The following DLGAP1 variants were observed in gnomAD, a reference collection of about 807,000 sequenced individuals.
The protein encoded by DLGAP1 is DLG associated protein 1.
DLGAP1 carries 11 observed loss-of-function variants against 90.8 expected under a neutral mutation model. That is an observed-to-expected ratio of 0.12 (90% confidence interval 0.08 to 0.20). The LOEUF is 0.20. Among genes scored for constraint, DLGAP1 ranks in the 10% least tolerant of loss-of-function variants. DLGAP1 has a pLI of 1.00. For synonymous variants in DLGAP1, 558 were observed against 540.7 expected, an observed-to-expected ratio of 1.03 and a Z score of -0.44; for missense variants, 1,050 against 1,333.8, an observed-to-expected ratio of 0.79 and a Z score of 3.31.
chr18:3,934,809 A>G (rs1599181566), intron 3 of DLGAP1, among the ~76,000 whole-genome samples: 1 of 152,338 alleles, frequency 6.6e-6, no homozygotes, highest in East Asian at 1.9e-4. Context: ...ACAAAGACAG[A>G]AAGTGTTCAT....
intron 3 of DLGAP1, among the ~76,000 whole-genome samples, chr18:3,907,796 A>G (rs538165022): frequency 3.5e-4 from 53 of 152,312 alleles, no homozygotes; most frequent in African/African-American, 1.2e-3. Flanking sequence ...ACCAGGAGGG[A>G]TGAGCCACAG....
At chr18:4,333,762 G>GGCGCCCACCACC (rs2081004268) in intron 1 of DLGAP1, among the ~76,000 whole-genome samples, 1 of 151,022 alleles carries the variant, frequency 6.6e-6, no homozygotes, top group African/African-American at 2.5e-5. Flanking sequence ...TGGAACTACA[G>GGCGCCCACCACC]GCGCCCACCA....
chr18:4,098,487 G>A (rs1238824848), intron 2 of DLGAP1, among the ~76,000 whole-genome samples: 1 of 152,198 alleles, frequency 6.6e-6, no homozygotes, highest in Non-Finnish European at 1.5e-5. Context: ...CAGTGATTAG[G>A]ATTGGAGAAC....
At chr18:3,658,806 G>A (rs2059585134) in intron 7 of DLGAP1, among the ~76,000 whole-genome samples, 1 of 152,162 alleles carries the variant, frequency 6.6e-6, no homozygotes, top group Admixed American at 6.5e-5. Flanking sequence ...CATGGTGTCA[G>A]CAAATGTCAT....
chr18:4,264,488 A>G (rs1036136986), intron 1 of DLGAP1: 1 of 152,216 alleles, frequency 6.6e-6, no homozygotes, highest in Non-Finnish European at 1.5e-5. Context: ...CATAAGACTC[A>G]TTCTTCACCT....
intron 1 of DLGAP1, among the ~76,000 whole-genome samples, chr18:4,401,271 C>T (rs1184197966): frequency 2.0e-5 from 3 of 152,182 alleles, no homozygotes; most frequent in Non-Finnish European, 2.9e-5. Context: ...ATCACAGACC[C>T]TGGTTGGATG....
At chr18:3,882,554 G>A (rs993729404) in intron 3 of DLGAP1, among the ~76,000 whole-genome samples, 7 of 150,800 alleles carry the variant, frequency 4.6e-5, no homozygotes, top group Middle Eastern at 3.4e-3. Context: ...GTTAATAGCC[G>A]ATGGCAAAAT....
chr18:3,664,454 C>T (rs1256604959), intron 7 of DLGAP1, among the ~76,000 whole-genome samples: 2 of 152,204 alleles, frequency 1.3e-5, no homozygotes, highest in African/African-American at 4.8e-5. Context: ...TCTGACTACA[C>T]ATGTGCCCTG....
intron 1 of DLGAP1, among the ~76,000 whole-genome samples, chr18:4,232,220 A>G (rs1434287562): frequency 2.6e-5 from 4 of 152,134 alleles, no homozygotes; most frequent in African/African-American, 9.7e-5. Context: ...AGAAAATGTA[A>G]TGTTCATTAT....
intron 2 of DLGAP1, among the ~76,000 whole-genome samples, chr18:4,079,287 T>TCACACACA (rs6146196): frequency 4.0e-3 from 575 of 142,590 alleles, no homozygotes; most frequent in Non-Finnish European, 6.2e-3. Context: ...AAAGAAAATG[T>TCACACACA]CACACACACA....
intron 2 of DLGAP1, among the ~76,000 whole-genome samples, chr18:4,062,659 G>A (rs1419338782): frequency 2.0e-5 from 3 of 152,138 alleles, no homozygotes; most frequent in African/African-American, 7.2e-5. Flanking sequence ...ATCAGGCCAA[G>A]TGTAATAAGA....
chr18:4,421,600 T>C (rs2083032313), intron 1 of DLGAP1, among the ~76,000 whole-genome samples: 2 of 152,188 alleles, frequency 1.3e-5, no homozygotes, highest in Non-Finnish European at 2.9e-5. Context: ...AGAGGATTCA[T>C]ACACGTTTGA....
chr18:3,529,691 G>C (rs2051867073), intron 10 of DLGAP1, among the ~76,000 whole-genome samples: 1 of 152,166 alleles, frequency 6.6e-6, no homozygotes, highest in African/African-American at 2.4e-5. Context: ...ATAAAATAAT[G>C]TGGGAAGTAC....
chr18:3,926,513 A>G (rs2072392880), intron 3 of DLGAP1, among the ~76,000 whole-genome samples: 1 of 151,526 alleles, frequency 6.6e-6, no homozygotes, highest in South Asian at 2.1e-4. Flanking sequence ...ATGCCATTTG[A>G]CCATATGCAC....
chr18:4,385,255 T>A (rs1457215019), intron 1 of DLGAP1, among the ~76,000 whole-genome samples: 1 of 152,158 alleles, frequency 6.6e-6, no homozygotes, highest in African/African-American at 2.4e-5. Context: ...AGGCAGCATA[T>A]AGATTTTGAA....
chr18:3,527,418 T>TTTTG (rs1568134484), intron 10 of DLGAP1, among the ~76,000 whole-genome samples: 1 of 147,408 alleles, frequency 6.8e-6, no homozygotes, highest in East Asian at 2.0e-4. Flanking sequence ...AACTTTTTTT[T>TTTTG]TTTTTTTTTT....
At chr18:3,732,018 CT>C (rs2147497880) in intron 6 of DLGAP1, among the ~76,000 whole-genome samples, 1 of 152,318 alleles carries the variant, frequency 6.6e-6, no homozygotes, top group Non-Finnish European at 1.5e-5. Flanking sequence ...TCCCTGGGCT[CT>C]AGTTAGTCTT....
chr18:4,160,088 C>T (rs536262767), intron 1 of DLGAP1, among the ~76,000 whole-genome samples: 2 of 152,338 alleles, frequency 1.3e-5, no homozygotes, highest in Non-Finnish European at 2.9e-5. Context: ...TTATTTACAA[C>T]TAAGATATTG....
intron 3 of DLGAP1, among the ~76,000 whole-genome samples, chr18:3,981,985 C>T (rs1378502457): frequency 6.6e-6 from 1 of 151,882 alleles, no homozygotes; most frequent in Non-Finnish European, 1.5e-5. Flanking sequence ...ATTTAACTTT[C>T]TTTTCCTGAT....
Sources: gnomAD v4.1 joint callset for allele counts (sites outside exome capture counted in the v4.1 genomes callset) on GRCh38, gnomAD v4.1.1 for gene constraint, MANE v1.5 for transcripts, NCBI Gene and HGNC (gene_info 2026-07-23, HGNC 2026-07-21) for gene names.